The following CYP7B1 variants were observed in gnomAD, a reference collection of about 807,000 sequenced individuals.
CYP7B1 encodes cytochrome P450 7B1.
Under a neutral mutation model 42.7 loss-of-function variants are expected in CYP7B1, and 29 were observed. That is an observed-to-expected ratio of 0.68 (90% CI 0.51 to 0.93). The LOEUF (loss-of-function observed/expected upper bound fraction) is 0.93. Among genes scored for constraint, CYP7B1 ranks in the 40% least tolerant of loss-of-function variants. The pLI, the probability that CYP7B1 is intolerant of heterozygous loss-of-function variation, is 0.00. For synonymous variants in CYP7B1, 235 were observed against 218.2 expected (o/e 1.08, Z -0.68); for missense variants, 655 against 600.5 (o/e 1.09, Z -0.95).
chr8:64,615,018 T>C lies in CYP7B1; in HGVS notation c.1057+8A>G. The stretch of plus-strand genomic sequence containing the variant: ...TTCTTTTCTTCATAACAGATAAAAA[T>C]AAATTACCTAGGCAGATTAGGCTGT... On this transcript the variant is annotated splice_region_variant and intron_variant, in intron 4 of 5. Transcript: ENST00000310193. 6.2e-7 allele frequency: 1 copy of C among 1,613,206 alleles called. No individual in the cohort carries two copies. The highest frequency in any genetic ancestry group is 8.5e-7 in the Non-Finnish European group (1 of 1,179,426).
At chr8:64,764,229 G>GCTCCCCCC (rs1554539986) in intron 1 of CYP7B1, among the ~76,000 whole-genome samples, 10 of 125,150 alleles carry the variant, frequency 8.0e-5, no homozygotes, top group African/African-American at 3.1e-4. Flanking sequence ...CTTCCACGCT[G>GCTCCCCCC]CCCCCCCCAC....
rs71260892 is a variant in CYP7B1, at chr8:64,624,951, C to CTTTTTTTTT, written c.123-421_123-413dup. Among the ~76,000 whole-genome samples the CTTTTTTTTT allele has an allele frequency of 1.6e-3, 88 of 54,062 alleles. 25 individuals are homozygous for CTTTTTTTTT. The highest frequency in any genetic ancestry group is 7.2e-3 in the African/African-American group (70 of 9,662). 35.5% of individuals were successfully genotyped at this position (54,062 alleles called of 152,430 possible). On this transcript the variant is annotated intron_variant, in intron 1 of 5. Coordinates refer to ENST00000310193, the MANE Select transcript of CYP7B1 (RefSeq NM_004820.5). ...AGTCCCCAAAGTCCATTATATCATT[C>CTTTTTTTTT]TTTTTTTTTTTTTTTTTTTTTTTTT...
intron 1 of CYP7B1, among the ~76,000 whole-genome samples, chr8:64,706,316 G>T (rs936889329): frequency 2.0e-5 from 3 of 151,930 alleles, no homozygotes; most frequent in Non-Finnish European, 2.9e-5. Flanking sequence ...ATGAGTATAA[G>T]GGAAAACATT....
intron 1 of CYP7B1, among the ~76,000 whole-genome samples, chr8:64,655,269 C>T (rs949044508): frequency 6.6e-6 from 1 of 152,164 alleles, no homozygotes; most frequent in Non-Finnish European, 1.5e-5. Flanking sequence ...TTGCAAACTA[C>T]ACCTCTGACA....
chr8:64,790,426 C>T (rs1373055839), intron 1 of CYP7B1, among the ~76,000 whole-genome samples: 1 of 152,184 alleles, frequency 6.6e-6, no homozygotes, highest in Non-Finnish European at 1.5e-5. Context: ...CTCATTTACT[C>T]TGTGGTGTGA....
intron 1 of CYP7B1, among the ~76,000 whole-genome samples, chr8:64,694,154 C>T (rs138415304): frequency 2.0e-5 from 3 of 152,182 alleles, no homozygotes; most frequent in African/African-American, 7.2e-5. Context: ...ACATGAAGAC[C>T]CCCTTTAATT....
chr8:64,658,669 C>A (rs1459509496), intron 1 of CYP7B1, among the ~76,000 whole-genome samples: 2 of 152,128 alleles, frequency 1.3e-5, no homozygotes, highest in African/African-American at 2.4e-5. Context: ...TTTTTCATTA[C>A]AACCACTTTC....
chr8:64,726,556 G>T (rs145551062), intron 1 of CYP7B1, among the ~76,000 whole-genome samples: 96 of 152,204 alleles, frequency 6.3e-4, no homozygotes, highest in Non-Finnish European at 1.2e-3. Flanking sequence ...ATTTTTTGGC[G>T]CTGCATCTTT....
chr8:64,728,016 T>A (rs1455723762), intron 1 of CYP7B1: 1 of 152,216 alleles, frequency 6.6e-6, no homozygotes, highest in Non-Finnish European at 1.5e-5. Context: ...TGCCACTCAT[T>A]TGGACAATAG....
intron 1 of CYP7B1, among the ~76,000 whole-genome samples, chr8:64,795,055 GA>G (rs1216617962): frequency 6.6e-6 from 1 of 151,200 alleles, no homozygotes; most frequent in Non-Finnish European, 1.5e-5. Flanking sequence ...TCAATTTTCC[GA>G]AATGGTTGTG....
At chr8:64,713,306 A>C (rs1005867563) in intron 1 of CYP7B1, among the ~76,000 whole-genome samples, 1 of 152,164 alleles carries the variant, frequency 6.6e-6, no homozygotes, top group African/African-American at 2.4e-5. Flanking sequence ...CAAACCATAA[A>C]ATTCTCAATG....
intron 1 of CYP7B1, among the ~76,000 whole-genome samples, chr8:64,651,943 G>A (rs990360575): frequency 2.6e-5 from 4 of 152,172 alleles, no homozygotes; most frequent in African/African-American, 9.7e-5. Context: ...GTTGCTGGGT[G>A]GTTGTGAGTA....
At chr8:64,644,271 CAAAA>C (rs775932351) in intron 1 of CYP7B1, among the ~76,000 whole-genome samples, 16 of 94,660 alleles carry the variant, frequency 1.7e-4, no homozygotes, top group African/African-American at 6.5e-4. Context: ...GACTCCATCT[CAAAA>C]AAAAAAAAAA....
At chr8:64,659,416 G>A (rs1362862377) in intron 1 of CYP7B1, among the ~76,000 whole-genome samples, 2 of 152,026 alleles carry the variant, frequency 1.3e-5, no homozygotes. Flanking sequence ...GTATTCCCCT[G>A]AATAAATATA....
intron 1 of CYP7B1, among the ~76,000 whole-genome samples, chr8:64,632,129 T>C (rs1167235702): frequency 6.6e-6 from 1 of 152,184 alleles, no homozygotes; most frequent in African/African-American, 2.4e-5. Context: ...ATTCTAGTGT[T>C]CTTGAAGGGC....
chr8:64,746,968 T>C (rs563892380), intron 1 of CYP7B1, among the ~76,000 whole-genome samples: 2 of 151,812 alleles, frequency 1.3e-5, no homozygotes, highest in South Asian at 4.2e-4. Context: ...CAAAGTATGA[T>C]TATAAAAATA....
chr8:64,725,189 T>C (rs1173748698), intron 1 of CYP7B1, among the ~76,000 whole-genome samples: 1 of 152,242 alleles, frequency 6.6e-6, no homozygotes, highest in Admixed American at 6.5e-5. Context: ...CAGTGTTCTC[T>C]GAGTCTTTGG....
At chr8:64,752,136 C>CAG in intron 1 of CYP7B1, among the ~76,000 whole-genome samples, 1 of 150,472 alleles carries the variant, frequency 6.6e-6, no homozygotes, top group East Asian at 2.0e-4. Flanking sequence ...TCATTGCCAG[C>CAG]AGATGCCACT....
At chr8:64,602,481 T>C (rs1043975140) in intron 5 of CYP7B1, among the ~76,000 whole-genome samples, 4 of 152,222 alleles carry the variant, frequency 2.6e-5, no homozygotes, top group African/African-American at 9.6e-5. Flanking sequence ...AACCCTGCCT[T>C]GTTGGGCTGG....
Sources: gnomAD v4.1 joint callset for allele counts (sites outside exome capture counted in the v4.1 genomes callset) on GRCh38, gnomAD v4.1.1 for gene constraint, MANE v1.5 for transcripts, NCBI Gene and HGNC (gene_info 2026-07-23, HGNC 2026-07-21) for gene names.